The following PTGFRN variants were observed in gnomAD, a reference collection of about 807,000 sequenced individuals.
PTGFRN encodes the protein prostaglandin F2 receptor negative regulator.
In PTGFRN, 35 loss-of-function variants were observed where a neutral mutation model predicts 83.2. The observed-to-expected ratio is 0.42, with a 90% CI of 0.32 to 0.56. PTGFRN has a LOEUF of 0.56. Among genes scored for constraint, PTGFRN ranks in the 20% least tolerant of loss-of-function variants. PTGFRN has a pLI of 0.11. For missense variants in PTGFRN, 1,051 were observed against 1,179.5 expected (o/e 0.89, Z 1.60); for synonymous variants, 519 against 498.6 (o/e 1.04, Z -0.55).
intron 1 of PTGFRN, among the ~76,000 whole-genome samples, chr1:116,921,969 T>C (rs1649546329): frequency 6.6e-6 from 1 of 152,054 alleles, no homozygotes; most frequent in African/African-American, 2.4e-5. Context: ...AGTAGATAAA[T>C]GTGTACAGGT....
In PTGFRN at chr1:116,961,158, G is replaced by A. The variant is rs1280416420; in HGVS notation, c.1214-85G>A. 3.0e-6 allele frequency: 4 copies of A among 1,327,166 alleles called. No individual in the cohort carries two copies. In the Admixed American group the frequency reaches 7.7e-5, roughly 26 times the overall value. 82.2% of individuals were successfully genotyped at this position (1,327,166 alleles called of 1,614,324 possible). A position where few individuals can be genotyped will look rare whatever the true frequency, so the allele number is the denominator to read the frequency against. On this transcript the variant is annotated intron_variant, in intron 4 of 8. Transcript: ENST00000393203. The surrounding 1 kb of genome is among the most constrained non-coding windows in gnomAD (Gnocchi z 5.4). ...GAAGCATTTAATTGTTAAAACAAGA[G>A]CAGTCCTTGTCTCATTCCTTTTGTT...
intron 4 of PTGFRN, among the ~76,000 whole-genome samples, chr1:116,959,163 C>T (rs1249441731): frequency 6.6e-6 from 1 of 152,194 alleles, no homozygotes; most frequent in African/African-American, 2.4e-5. Context: ...GTGTGTCCTT[C>T]AGTCAGTTTT....
In PTGFRN at chr1:116,952,767, A is replaced by G. The variant is rs1650383547; in HGVS notation, c.1213+3195A>G. On this transcript the variant is annotated intron_variant, in intron 4 of 8. Transcript: ENST00000393203. The surrounding 1 kb of genome is among the most constrained non-coding windows in gnomAD (Gnocchi z 4.0). ...ATTTTGGGGCATTGGAAAAGATAAT[A>G]GACAGGGCTTTCAACTGTTCTTTTA... Among the ~76,000 whole-genome samples the G allele has an allele frequency of 6.6e-6, 1 of 152,240 alleles. No individual in the cohort carries two copies. Among genetic ancestry groups the G allele is most frequent in the Non-Finnish European group, 1.5e-5 (1 of 68,044 alleles).
chr1:116,945,761 T>C (rs1424883307), intron 3 of PTGFRN, among the ~76,000 whole-genome samples: 1 of 148,554 alleles, frequency 6.7e-6, no homozygotes, highest in Non-Finnish European at 1.5e-5. Context: ...TTTTTTTTTT[T>C]CAAACCCTCT....
Position 116,961,665 on chromosome 1 carries a change from G to C in PTGFRN, c.1636G>C (p.Glu546Gln). ...SKPVNIFWAL[E>Q]DSVLVVKARQ... ...GCCTGTTAACATATTTTGGGCATTAGAAGGTAGGAACTTTTTTCTTGTTAT... is the reference window on the plus strand; with the variant it reads ...GCCTGTTAACATATTTTGGGCATTACAAGGTAGGAACTTTTTTCTTGTTAT... Residue 546 changes from glutamate to glutamine, a missense_variant, in exon 5 of 9, where the codon GAA becomes CAA. Glu to Gln is a conservative substitution (Grantham distance 29). This residue lies in a region of PTGFRN where 719 missense variants were observed against 836.6 expected (regional missense o/e 0.86). Transcript: ENST00000393203. This position sits in a 1 kb window ranked among gnomAD's most constrained non-coding sequence, Gnocchi z 5.4. The C allele has an allele frequency of 6.2e-7, 1 of 1,600,322 alleles. No individual in the cohort carries two copies. The highest frequency in any genetic ancestry group is 1.3e-5 in the African/African-American group (1 of 74,242).
chr1:116,943,747 G>A (rs2101064580), intron 2 of PTGFRN, among the ~76,000 whole-genome samples: 1 of 152,160 alleles, frequency 6.6e-6, no homozygotes, highest in South Asian at 2.1e-4. Context: ...TTCAGGATGT[G>A]TCCTCCTAAA....
chr1:116,914,314 A>T (rs2254348), intron 1 of PTGFRN, among the ~76,000 whole-genome samples: 3 of 152,142 alleles, frequency 2.0e-5, no homozygotes, highest in Non-Finnish European at 4.4e-5. Context: ...CACACGTTCT[A>T]TTGGAGAGAC....
chr1:116,951,299 G>A (rs1016030145), intron 4 of PTGFRN, among the ~76,000 whole-genome samples: 6 of 152,228 alleles, frequency 3.9e-5, no homozygotes, highest in Non-Finnish European at 8.8e-5. Flanking sequence ...TCTCCAGAGA[G>A]TGAAAAGAAA....
At chr1:116,945,904 TG>T (rs1324553795) in intron 3 of PTGFRN, among the ~76,000 whole-genome samples, 2 of 152,220 alleles carry the variant, frequency 1.3e-5, no homozygotes, top group Admixed American at 1.3e-4. Context: ...TGCTCAGCTC[TG>T]TTCTGGGCCC....
intron 7 of PTGFRN, among the ~76,000 whole-genome samples, chr1:116,978,909 A>G (rs12730591): frequency 0.35 from 53,065 of 151,638 alleles, 9,833 homozygotes; most frequent in African/African-American, 0.48. Context: ...AGGGTATTCA[A>G]TTAGGAAAAG....
At chr1:116,969,303 T>A (rs901578030) in intron 6 of PTGFRN, among the ~76,000 whole-genome samples, 2 of 152,136 alleles carry the variant, frequency 1.3e-5, no homozygotes, top group African/African-American at 4.8e-5. Flanking sequence ...GAATCCAACT[T>A]TATTATGTTG....
At chr1:116,985,447 C>A (rs1453230880) in intron 8 of PTGFRN, among the ~76,000 whole-genome samples, 2 of 152,074 alleles carry the variant, frequency 1.3e-5, no homozygotes, top group African/African-American at 4.8e-5. Flanking sequence ...GCCTGTAACC[C>A]CAGCACTTTG....
At chr1:116,962,826 T>C (rs141390266) in intron 5 of PTGFRN, among the ~76,000 whole-genome samples, 2,819 of 152,312 alleles carry the variant, frequency 0.019, 45 homozygotes, top group Non-Finnish European at 0.032. Context: ...CCACCTGACA[T>C]CGTCCTTCAC....
At chr1:116,986,125 C>G (rs555655873) in intron 8 of PTGFRN, among the ~76,000 whole-genome samples, 1 of 152,090 alleles carries the variant, frequency 6.6e-6, no homozygotes. Context: ...GGGGCTATTT[C>G]GAAAATTAAA....
intron 7 of PTGFRN, among the ~76,000 whole-genome samples, chr1:116,979,033 A>G (rs1370301983): frequency 6.6e-6 from 1 of 152,226 alleles, no homozygotes; most frequent in East Asian, 1.9e-4. Context: ...CTCAGGATAC[A>G]AAATCAATGT....
At chr1:116,967,417 T>C in intron 6 of PTGFRN, 87 bp downstream of exon 6, 1 of 1,351,502 alleles carries the variant, frequency 7.4e-7, no homozygotes, top group Non-Finnish European at 1.0e-6. Flanking sequence ...TAAAACAGCT[T>C]TGTTAAGATG....
In PTGFRN at chr1:116,971,282, T is replaced by TTAGCCATTACCCTATTGATGGTGC. The variant is rs561844700; in HGVS notation, c.2060-2913_2060-2912insTGCTAGCCATTACCCTATTGATGG. Among the ~76,000 whole-genome samples the TTAGCCATTACCCTATTGATGGTGC allele has an allele frequency of 1.8e-3, 281 of 152,362 alleles. 1 individual carries two copies. Among genetic ancestry groups the TTAGCCATTACCCTATTGATGGTGC allele is most frequent in the African/African-American group, 6.6e-3 (275 of 41,588 alleles). ...AATGACTTTACATACTTGAATTTGC[T>TTAGCCATTACCCTATTGATGGTGC]TAGCCATTACCCTATTGATGGACAT... On this transcript the variant is annotated intron_variant, in intron 6 of 8. Transcript: ENST00000393203.
chr1:116,910,542 C>A (rs933843238), intron 1 of PTGFRN, among the ~76,000 whole-genome samples: 4 of 152,044 alleles, frequency 2.6e-5, no homozygotes, highest in Admixed American at 6.5e-5. Flanking sequence ...GGCCGTCTTT[C>A]CCCCAGGTCT....
chr1:116,961,553 A>G lies in PTGFRN; in HGVS notation c.1524A>G (p.Glu508=), dbSNP rs774375250. The change falls in exon 5 of 9, where the codon GAA becomes GAG. Residue 508 remains glutamate, a synonymous_variant. Coordinates refer to ENST00000393203, the MANE Select transcript of PTGFRN (RefSeq NM_020440.4). The surrounding 1 kb of genome is among the most constrained non-coding windows in gnomAD (Gnocchi z 5.4). The part of the protein sequence containing the change: ...FNFRIQRTTE[E]DRGNYYCVVS... ...TCCGGATCCAAAGGACTACAGAGGA[A>G]GACAGAGGCAATTATTACTGTGTTG... 6 of 1,614,100 alleles carry G rather than the reference A, an allele frequency of 3.7e-6. 1 individual carries two copies. In the Admixed American group the frequency reaches 1.0e-4, roughly 27 times the overall value.
Sources: gnomAD v4.1 joint callset for allele counts (sites outside exome capture counted in the v4.1 genomes callset) on GRCh38, gnomAD v4.1.1 for gene constraint, gnomAD v4.1.1 regional missense constraint, Gnocchi (gnomAD v3.1) non-coding constraint, MANE v1.5 for transcripts, NCBI Gene and HGNC (gene_info 2026-07-23, HGNC 2026-07-21) for gene names.